TREH: variants seen among roughly 807,000 people sequenced by gnomAD.
TREH encodes alpha,alpha-trehalose glucohydrolase.
Under a neutral mutation model 80.5 loss-of-function variants are expected in TREH, and 69 were observed. The observed-to-expected ratio is 0.86, with a 90% CI of 0.71 to 1.05. The LOEUF (loss-of-function observed/expected upper bound fraction) is 1.05, where lower values mean the gene tolerates loss of function less well. Among genes scored for constraint, TREH ranks in the 50% least tolerant of loss-of-function variants. The probability of loss-of-function intolerance (pLI) is 0.00; values close to 1 mark genes in which losing one functional copy is unlikely to be tolerated. For missense variants in TREH, 716 were observed against 718.8 expected, an observed-to-expected ratio of 1.00 and a Z score of 0.04; for synonymous variants, 309 against 293.5, an observed-to-expected ratio of 1.05 and a Z score of -0.54.
intron 1 of TREH, among the ~76,000 whole-genome samples, chr11:118,672,686 C>T (rs1396230851): frequency 9.0e-6 from 1 of 111,586 alleles, no homozygotes; most frequent in Non-Finnish European, 1.8e-5. Flanking sequence ...GCACTCCAGC[C>T]TGGGTTGACA....
rs1479281934 is a variant in TREH at position 118,678,524 on chromosome 11, C to T, written c.89+1015G>A. Among the ~76,000 whole-genome samples the T allele has an allele frequency of 3.4e-4, 52 of 151,258 alleles. 1 individual carries two copies. In the East Asian group the frequency reaches 6.0e-3, roughly 17 times the overall value. ...GATTACAGGCGTGCGCCACCATGCC[C>T]GGCTAATTTTGTATTTTTCATAGAG... is the stretch of plus-strand genomic sequence containing the variant. On this transcript the variant is annotated intron_variant, in intron 1 of 14. Transcript: ENST00000264029.
chr11:118,668,268 A>G (rs529538399), intron 1 of TREH, among the ~76,000 whole-genome samples: 3 of 230 alleles, frequency 0.013, no homozygotes, highest in African/African-American at 0.019. Context: ...TTACCCTGAT[A>G]CCAAAACCAG....
In TREH at chr11:118,658,409, C is replaced by T; in HGVS notation, c.1632G>A (p.Leu544=). The T allele has an allele frequency of 6.2e-7, 1 of 1,611,240 alleles. No homozygotes were observed. The highest frequency in any genetic ancestry group is 8.5e-7 in the Non-Finnish European group (1 of 1,179,368). The part of the protein sequence containing the change: ...EGFGWTNGVV[L]MLLDRYGDRL... ...GGTCACCATAGCGGTCCAGCAGCAT[C>T]AGGACCACGCCATTCGTCCAGCCAA... is the stretch of plus-strand genomic sequence containing the variant. The change falls in exon 15 of 15, where the codon CTG becomes CTA. Residue 544 remains leucine (L), a synonymous_variant. Coordinates refer to ENST00000264029, the MANE Select transcript of TREH (RefSeq NM_007180.3).
At position 118,661,133 on chromosome 11, in the gene TREH, T is replaced by A; in HGVS notation, c.857+27A>T. The A allele has an allele frequency of 6.2e-7, 1 of 1,613,524 alleles. No individual in the cohort carries two copies. On this transcript the variant is annotated intron_variant, in intron 8 of 14. Transcript: ENST00000264029. The surrounding 1 kb of genome is among the most constrained non-coding windows in gnomAD (Gnocchi z 4.2). ...TAACCAGAGTGAGCAGGTAAGAGAT[T>A]GAGGGGTGGGCTGCCCAGTTCCTCA... is the stretch of plus-strand genomic sequence containing the variant.
In TREH at chr11:118,679,539, C is replaced by T. The variant is rs1281983266; in HGVS notation, c.89G>A (p.Ser30Asn). The T allele has an allele frequency of 4.7e-6, 7 of 1,505,222 alleles. No homozygotes were observed. The highest frequency in any genetic ancestry group is 6.2e-6 in the Non-Finnish European group (7 of 1,122,944). 93.2% of individuals were successfully genotyped at this position (1,505,222 alleles called of 1,614,324 possible). A position where few individuals can be genotyped will look rare whatever the true frequency, so the allele number is the denominator to read the frequency against. The change falls in exon 1 of 15, where the codon AGT (serine) becomes AAT (asparagine). Residue 30 changes from serine (S) to asparagine (N), a missense_variant and splice_region_variant. Ser to Asn is a conservative substitution (Grantham distance 46). Coordinates refer to ENST00000264029, the MANE Select transcript of TREH (RefSeq NM_007180.3). Reference sequence around the variant, plus strand: ...CCTGCTGCCTTCCCCACACCCCTACCTCTCACAGGGTGGGGGTAGGGCCTC... The same window carrying T: ...CCTGCTGCCTTCCCCACACCCCTACTTCTCACAGGGTGGGGGTAGGGCCTC... ...SQEALPPPCE[S>N]EIYCHGELLN...
At chr11:118,662,310 G>A (rs531588179) in intron 4 of TREH, among the ~76,000 whole-genome samples, 4 of 152,298 alleles carry the variant, frequency 2.6e-5, no homozygotes, top group South Asian at 4.1e-4. Context: ...GGGTGGGTGA[G>A]GGGGGTGCCA....
At chr11:118,679,261 C>T (rs1269755537) in intron 1 of TREH, among the ~76,000 whole-genome samples, 4 of 152,024 alleles carry the variant, frequency 2.6e-5, no homozygotes, top group African/African-American at 7.2e-5. Flanking sequence ...CTCTCGAACC[C>T]GGGAGGTCTA....
chr11:118,659,992 C>G (rs569212674), intron 10 of TREH, 28 bp from the exon 11 acceptor site: 1 of 1,544,312 alleles, frequency 6.5e-7, no homozygotes, highest in African/African-American at 1.4e-5. Context: ...TTAGAGCCAG[C>G]AGCCAGTGCC....
At chr11:118,660,948 T>A in intron 8 of TREH, 33 bp from the exon 9 acceptor site, 1 of 1,561,352 alleles carries the variant, frequency 6.4e-7, no homozygotes, top group African/African-American at 1.4e-5. Flanking sequence ...AGCCTGGCAC[T>A]AGTAGCTACT....
rs1949329002 is a variant in TREH at position 118,661,980 on chromosome 11, T to C, written c.434A>G (p.Glu145Gly). 6.4e-7 allele frequency: 1 copy of C among 1,552,480 alleles called. No homozygotes were observed. Among genetic ancestry groups the C allele is most frequent in the Non-Finnish European group, 8.7e-7 (1 of 1,147,428 alleles). ...GAACCGCTCAGGGTGGCTGAGAACC[T>C]CTGGCTTCATCTGGAGTCGGGAGAG... ...WKKLGKKMKP[E>G]VLSHPERFSL... The change falls in exon 5 of 15, where the codon GAG becomes GGG. Residue 145 changes from glutamate to glycine, a missense_variant. Transcript: ENST00000264029. This position sits in a 1 kb window ranked among gnomAD's most constrained non-coding sequence, Gnocchi z 4.2.
At position 118,663,092 on chromosome 11, in the gene TREH, G is replaced by A; in HGVS notation, c.295C>T (p.Gln99Ter). 2 of 1,614,006 alleles carry A rather than the reference G, an allele frequency of 1.2e-6. No individual in the cohort carries two copies. The highest frequency in any genetic ancestry group is 1.7e-6 in the Non-Finnish European group (2 of 1,179,868). The change falls in exon 3 of 15, where the codon CAG (glutamine) becomes TAG (stop). Residue 99 changes from glutamine to a stop codon, truncating the protein, a stop_gained. Coordinates refer to ENST00000264029, the MANE Select transcript of TREH (RefSeq NM_007180.3). LOFTEE classifies it high-confidence loss of function. ...GCAGGGGTCCAGGGCTGCAGCTCCT[G>A]CCCCTTGGCCTGGAAGTGTTCGTGG... ...FVHEHFQAKG[Q>*]ELQPWTPADW... is the part of the protein sequence containing the mutation.
intron 1 of TREH, among the ~76,000 whole-genome samples, chr11:118,664,831 G>A (rs978619623): frequency 1.3e-4 from 20 of 152,288 alleles, no homozygotes; most frequent in Admixed American, 9.8e-4. Flanking sequence ...TGCTCTGGCC[G>A]GGCACAGTGG....
rs1555144059 is a variant in TREH, at chr11:118,658,732, T to C, written c.1547A>G (p.Tyr516Cys). 1.2e-6 allele frequency: 2 copies of C among 1,607,466 alleles called. No individual in the cohort carries two copies. The highest frequency in any genetic ancestry group is 1.3e-5 in the African/African-American group (1 of 74,738). The change falls in exon 14 of 15, where the codon TAT becomes TGT. Residue 516 changes from tyrosine to cysteine, a missense_variant and splice_region_variant. Coordinates refer to ENST00000264029, the MANE Select transcript of TREH (RefSeq NM_007180.3). ...GGGCTGTCCACCGTTGCTGACGTCA[T>C]ACTGGGGACAAGCGGGTGGGCTGTA... ...YSQKSAMYEK[Y>C]DVSNGGQPGG...
intron 14 of TREH, 36 bp downstream of exon 14, chr11:118,658,644 C>T: frequency 6.4e-7 from 1 of 1,561,270 alleles, no homozygotes; most frequent in Non-Finnish European, 8.7e-7. Context: ...TTCAGGAGTT[C>T]CCTGGTGTTG....
intron 1 of TREH, among the ~76,000 whole-genome samples, chr11:118,677,951 T>C (rs1180215311): frequency 6.6e-6 from 1 of 152,118 alleles, no homozygotes; most frequent in Non-Finnish European, 1.5e-5. Context: ...CTTTTCCCCT[T>C]TATATTCCAC....
At chr11:118,662,216 G>A (rs1208056358) in intron 4 of TREH, among the ~76,000 whole-genome samples, 1 of 151,322 alleles carries the variant, frequency 6.6e-6, no homozygotes, top group Non-Finnish European at 1.5e-5. Flanking sequence ...TCAACTTGGT[G>A]CCGGGTAGAA....
intron 1 of TREH, among the ~76,000 whole-genome samples, chr11:118,666,802 A>G (rs2137273866): frequency 6.6e-6 from 1 of 152,364 alleles, no homozygotes; most frequent in East Asian, 1.9e-4. Context: ...AATGAGCTCC[A>G]TGCACAAATG....
At chr11:118,678,423 G>GCAT (rs1365105511) in intron 1 of TREH, among the ~76,000 whole-genome samples, 1 of 152,116 alleles carries the variant, frequency 6.6e-6, no homozygotes, top group Admixed American at 6.6e-5. Context: ...GAGTGCAATG[G>GCAT]CATGATCTTG....
chr11:118,662,088 G>A, intron 4 of TREH, 98 bp from the exon 5 acceptor site: 1 of 962,700 alleles, frequency 1.0e-6, no homozygotes, highest in Non-Finnish European at 1.6e-6. Context: ...TCACAGCTTT[G>A]GAGCCAGGCA....
Sources: allele counts gnomAD v4.1 joint callset (sites outside exome capture counted in the v4.1 genomes callset), GRCh38; gene constraint gnomAD v4.1.1; non-coding constraint Gnocchi (gnomAD v3.1); transcripts MANE v1.5; gene names NCBI Gene and HGNC (gene_info 2026-07-23, HGNC 2026-07-21).